The following SLC7A6 variants were observed in gnomAD, a reference collection of about 807,000 sequenced individuals.
SLC7A6 encodes the protein Y+L amino acid transporter 2.
A neutral mutation model predicts 46.6 loss-of-function variants in SLC7A6; 29 were observed. The observed-to-expected ratio is 0.62, with a 90% CI of 0.46 to 0.85. The LOEUF (loss-of-function observed/expected upper bound fraction) is 0.85. Ranked by LOEUF, SLC7A6 falls within the 40% of genes least tolerant of loss-of-function variation. The probability of loss-of-function intolerance (pLI) is 0.00; values close to 1 mark genes in which losing one functional copy is unlikely to be tolerated. For synonymous variants in SLC7A6, 276 were observed against 257.3 expected, an observed-to-expected ratio of 1.07 and a Z score of -0.70; for missense variants, 527 against 647.6, an observed-to-expected ratio of 0.81 and a Z score of 2.02.
At chr16:68,272,864 T>C (rs572058778) in intron 2 of SLC7A6, 4 of 152,342 alleles carry the variant, frequency 2.6e-5, no homozygotes, top group Admixed American at 2.0e-4. Flanking sequence ...CTGACTCTTA[T>C]GTGAGACTAT....
intron 3 of SLC7A6, among the ~76,000 whole-genome samples, chr16:68,286,674 C>T (rs962608469): frequency 2.0e-5 from 3 of 152,292 alleles, no homozygotes; most frequent in African/African-American, 7.2e-5. Flanking sequence ...AGCAAAGTGC[C>T]GGGGCTCTCA....
Position 68,274,732 on chromosome 16 carries a change from AG to A in SLC7A6, c.7del (p.Ala3ProfsTer39). ...GTGTGCAGGAACCGTTTGTCATGGA[AG>A]CCAGGGAGCCTGGGAGGCCCACACC... is the stretch of plus-strand genomic sequence containing the variant. The part of the protein sequence containing the change: ME[A>X]REPGRPTPTY... On this transcript the variant is annotated frameshift_variant, in exon 3 of 11. Coordinates refer to ENST00000219343, the MANE Select transcript of SLC7A6 (RefSeq NM_003983.6). LOFTEE classifies it high-confidence loss of function. 6.2e-7 allele frequency: 1 copy of A among 1,613,962 alleles called. No individual in the cohort carries two copies. Among genetic ancestry groups the A allele is most frequent in the Non-Finnish European group, 8.5e-7 (1 of 1,179,854 alleles).
chr16:68,298,209 C>T lies in SLC7A6; in HGVS notation c.*881C>T, dbSNP rs1009806487. 5.2e-5 allele frequency: 8 copies of T among 152,572 alleles called. No individual in the cohort carries two copies. Among genetic ancestry groups the T allele is most frequent in the Non-Finnish European group, 1.0e-4 (7 of 68,036 alleles). The allele number at this position is 152,572 out of a possible 1,614,324, so 9.5% of individuals were successfully genotyped here. ...GACAATCCTTTATTTTACTTGAGAC[C>T]TTACATCTTTGTTCTAGCTGACAGT... On this transcript the variant is annotated 3_prime_UTR_variant, in exon 11 of 11. Transcript: ENST00000219343.
chr16:68,290,426 A>G lies in SLC7A6; in HGVS notation c.680A>G (p.Glu227Gly), dbSNP rs1271120211. The change falls in exon 5 of 11, where the codon GAG (glutamate) becomes GGG (glycine). Residue 227 changes from glutamate (E) to glycine (G), a missense_variant. Glu to Gly is a moderately conservative substitution (Grantham distance 98). Transcript: ENST00000219343. Reference protein sequence around the residue: ...GHSEHFQDAFEGSSWDMGNLS... With the variant: ...GHSEHFQDAFGGSSWDMGNLS... ...TCTGAGCACTTTCAGGACGCCTTTG[A>G]GGGTTCCTCCTGGGACATGGGAAAC... 6.8e-6 allele frequency: 11 copies of G among 1,613,894 alleles called. No homozygotes were observed. Among genetic ancestry groups the G allele is most frequent in the Non-Finnish European group, 9.3e-6 (11 of 1,180,012 alleles).
rs1376066351 is a variant in SLC7A6 at position 68,265,144 on chromosome 16, A to T, written c.-166+568A>T. Among the ~76,000 whole-genome samples, 4 of 152,300 alleles carry T rather than the reference A, an allele frequency of 2.6e-5. No individual in the cohort carries two copies. In the East Asian group the frequency reaches 7.7e-4, roughly 29 times the overall value. ...GAATGACGATTATCATTTTAAAATC[A>T]GTCCTTTTACTTTAGAGAATGCCGC... On this transcript the variant is annotated intron_variant, in intron 1 of 10. Transcript: ENST00000219343.
intron 3 of SLC7A6, among the ~76,000 whole-genome samples, chr16:68,281,318 G>C (rs2042824759): frequency 6.6e-6 from 1 of 152,160 alleles, no homozygotes; most frequent in African/African-American, 2.4e-5. Context: ...TATCTTCCAG[G>C]AGACATTTAG....
At chr16:68,278,698 C>T (rs1302877740) in intron 3 of SLC7A6, among the ~76,000 whole-genome samples, 1 of 150,886 alleles carries the variant, frequency 6.6e-6, no homozygotes, top group Non-Finnish European at 1.5e-5. Context: ...ATGGAGTCTC[C>T]TATGTCTACT....
chr16:68,287,900 A>C (rs2042971525), intron 4 of SLC7A6, 29 bp downstream of exon 4: 1 of 1,609,286 alleles, frequency 6.2e-7, no homozygotes, highest in East Asian at 2.2e-5. Context: ...GGTACCACCA[A>C]CAGTTCCTCT....
chr16:68,275,334 G>A (rs2042691523), intron 3 of SLC7A6, 85 bp downstream of exon 3: 5 of 1,514,614 alleles, frequency 3.3e-6, no homozygotes, highest in Non-Finnish European at 4.5e-6. Flanking sequence ...GGTGGCTCAT[G>A]CCTATAATCC....
intron 7 of SLC7A6, 100 bp downstream of exon 7, chr16:68,291,761 G>GT: frequency 6.4e-5 from 56 of 871,888 alleles, no homozygotes; most frequent in Middle Eastern, 2.2e-4. Flanking sequence ...TGGGCATATA[G>GT]GGTGTGTGTG....
rs932873138 is a variant in SLC7A6 at position 68,299,540 on chromosome 16, G to A, written c.*2212G>A. ...AATTTCTGCCAGCTCTTTGTTGTCTGTCTCCTTAAATCCTTTTCCTGGTGT... is the reference window on the plus strand; with the variant it reads ...AATTTCTGCCAGCTCTTTGTTGTCTATCTCCTTAAATCCTTTTCCTGGTGT... On this transcript the variant is annotated 3_prime_UTR_variant, in exon 11 of 11. Coordinates refer to ENST00000219343, the MANE Select transcript of SLC7A6 (RefSeq NM_003983.6). 1.3e-5 allele frequency: 2 copies of A among 152,438 alleles called. No individual in the cohort carries two copies. The highest frequency in any genetic ancestry group is 4.8e-5 in the African/African-American group (2 of 41,460). The allele number at this position is 152,438 out of a possible 1,614,324, so 9.4% of individuals were successfully genotyped here.
intron 5 of SLC7A6, 44 bp from the exon 6 acceptor site, chr16:68,291,165 G>A: frequency 1.9e-6 from 3 of 1,613,726 alleles, no homozygotes; most frequent in Non-Finnish European, 2.5e-6. Context: ...TTGTTCCCAA[G>A]GAGAGGTTGG....
At chr16:68,266,264 A>C (rs1276216616) in intron 1 of SLC7A6, among the ~76,000 whole-genome samples, 1 of 152,066 alleles carries the variant, frequency 6.6e-6, no homozygotes, top group Non-Finnish European at 1.5e-5. Context: ...CATCTCCAAA[A>C]AAAAAGAAAA....
At chr16:68,281,755 T>G (rs1244905483) in intron 3 of SLC7A6, among the ~76,000 whole-genome samples, 1 of 152,250 alleles carries the variant, frequency 6.6e-6, no homozygotes, top group Non-Finnish European at 1.5e-5. Context: ...GTGGTGTTTC[T>G]GCCTTGGGTG....
intron 7 of SLC7A6, chr16:68,292,615 A>G (rs1454929889): frequency 1.3e-5 from 2 of 152,150 alleles, no homozygotes; most frequent in African/African-American, 4.8e-5. Context: ...CTCCCACCTT[A>G]GCCTCCCGAG....
rs1453151009 is a variant in SLC7A6 at position 68,279,670 on chromosome 16, C to A, written c.523+4421C>A. On this transcript the variant is annotated intron_variant, in intron 3 of 10. Coordinates refer to ENST00000219343, the MANE Select transcript of SLC7A6 (RefSeq NM_003983.6). ...TCTCCTGCCTCAGCCTCCCAAGTAG[C>A]TGGGATTACAGGTGCAAGCTACCAT... Among the ~76,000 whole-genome samples, 3 of 152,328 alleles carry A rather than the reference C, an allele frequency of 2.0e-5. No homozygotes were observed. In the South Asian group the frequency reaches 6.2e-4, roughly 32 times the overall value.
intron 10 of SLC7A6, 77 bp downstream of exon 10, chr16:68,296,887 CTT>C: frequency 1.4e-6 from 2 of 1,476,268 alleles, no homozygotes; most frequent in South Asian, 1.3e-5. Context: ...TGGCTAACAG[CTT>C]CCCCATACTC....
At chr16:68,277,566 C>T (rs1278825942) in intron 3 of SLC7A6, among the ~76,000 whole-genome samples, 1 of 151,948 alleles carries the variant, frequency 6.6e-6, no homozygotes, top group Non-Finnish European at 1.5e-5. Context: ...CCGCCTCGGC[C>T]TCCCAAAGTG....
chr16:68,275,027 C>T lies in SLC7A6; in HGVS notation c.301C>T (p.Leu101=). Residue 101 remains leucine, a synonymous_variant, in exon 3 of 11, where the codon CTG becomes TTG. Transcript: ENST00000219343. ...SVVGALCYAE[L]GTTITKSGAS... ...TGTGGGTGCCCTTTGTTATGCAGAGCTGGGGACCACCATCACCAAGTCGGG... is the reference window on the plus strand; with the variant it reads ...TGTGGGTGCCCTTTGTTATGCAGAGTTGGGGACCACCATCACCAAGTCGGG... 1 of 1,614,162 alleles carries T rather than the reference C, an allele frequency of 6.2e-7. No individual in the cohort carries two copies. Among genetic ancestry groups the T allele is most frequent in the South Asian group, 1.1e-5 (1 of 91,074 alleles).
Sources: gnomAD v4.1 joint callset for allele counts (sites outside exome capture counted in the v4.1 genomes callset) on GRCh38, gnomAD v4.1.1 for gene constraint, MANE v1.5 for transcripts, NCBI Gene and HGNC (gene_info 2026-07-23, HGNC 2026-07-21) for gene names.